Variants in LTBP2 observed in about 807,000 individuals in gnomAD.
LTBP2 encodes latent transforming growth factor beta binding protein 2, also known as latent-transforming growth factor beta-binding protein 2.
A neutral mutation model predicts 210.6 loss-of-function variants in LTBP2; 103 were observed. The observed-to-expected ratio is 0.49, with a 90% CI of 0.42 to 0.58. LTBP2 has a LOEUF of 0.58. Ranked by LOEUF, LTBP2 falls within the 20% of genes least tolerant of loss-of-function variation. The pLI is 0.00. For missense variants in LTBP2, 2,313 were observed against 2,494.5 expected (o/e 0.93, Z 1.55); for synonymous variants, 1,007 against 1,015.0 (o/e 0.99, Z 0.15).
intron 8 of LTBP2, among the ~76,000 whole-genome samples, chr14:74,540,860 TA>T (rs2087494787): frequency 2.1e-5 from 2 of 95,368 alleles, no homozygotes; most frequent in Non-Finnish European, 4.1e-5. Context: ...ATATATATTA[TA>T]TATATTTATA....
chr14:74,505,955 C>G, intron 28 of LTBP2, 93 bp downstream of exon 28: 1 of 1,544,858 alleles, frequency 6.5e-7, no homozygotes, highest in South Asian at 1.2e-5. Context: ...CCAGTGTCCC[C>G]CTCAGCGGCT....
chr14:74,547,696 C>T (rs757181023), intron 8 of LTBP2, among the ~76,000 whole-genome samples: 2 of 152,082 alleles, frequency 1.3e-5, no homozygotes, highest in Admixed American at 6.5e-5. Context: ...TAGGACAGCC[C>T]TAACTGGGTC....
At chr14:74,604,527 G>C (rs1007377929) in intron 1 of LTBP2, among the ~76,000 whole-genome samples, 1 of 151,690 alleles carries the variant, frequency 6.6e-6, no homozygotes, top group Admixed American at 6.6e-5. Flanking sequence ...ACTCTATAGC[G>C]AAATAGAGTT....
chr14:74,551,279 C>G lies in LTBP2; in HGVS notation c.1471G>C (p.Val491Leu). 6.2e-7 allele frequency: 1 copy of G among 1,608,806 alleles called. No homozygotes were observed. Among genetic ancestry groups the G allele is most frequent in the Non-Finnish European group, 8.5e-7 (1 of 1,177,904 alleles). ...PPEASVQIHQ[V>L]AQVRGGVEEA... is the part of the protein sequence containing the mutation. The stretch of plus-strand genomic sequence containing the variant: ...TCCACCCCGCCCCGCACCTGGGCCA[C>G]CTGGTGGATCTGCACTGAGGCCTCG... The change falls in exon 7 of 36, where the codon GTG becomes CTG. Residue 491 changes from valine (V) to leucine (L), a missense_variant. Physicochemically the swap from Val to Leu is conservative, Grantham distance 32. Around this residue, in one of 3 missense-constraint regions of LTBP2, gnomAD observed 1,867 missense variants for 1,976.9 expected, o/e 0.94. Coordinates refer to ENST00000261978, the MANE Select transcript of LTBP2 (RefSeq NM_000428.3).
chr14:74,572,660 A>C (rs1476306310), intron 3 of LTBP2, among the ~76,000 whole-genome samples: 1 of 152,176 alleles, frequency 6.6e-6, no homozygotes, highest in Non-Finnish European at 1.5e-5. Flanking sequence ...ACTTGAGCTC[A>C]AAAGGAGAAT....
rs778348814 is a variant in LTBP2 at position 74,526,104 on chromosome 14, C to A, written c.2399G>T (p.Ser800Ile). The change falls in exon 14 of 36, where the codon AGT becomes ATT. Residue 800 changes from serine (S) to isoleucine (I), a missense_variant. Physicochemically the swap from Ser to Ile is moderately radical, Grantham distance 142. This residue lies in a region of LTBP2 where 1,867 missense variants were observed against 1,976.9 expected (regional missense o/e 0.94). Coordinates refer to ENST00000261978, the MANE Select transcript of LTBP2 (RefSeq NM_000428.3). ...GDSQAGQVTT[S>I]VTHAPAWVTG... ...GACCCAGGCAGGTGCATGAGTGACA[C>A]TGGTCGTGACCTGCACAGAAACAGG... 4.4e-6 allele frequency: 7 copies of A among 1,603,724 alleles called. No individual in the cohort carries two copies. The Admixed American group carries it at 1.2e-4, about 27-fold the overall frequency.
chr14:74,543,558 C>T (rs1423699488), intron 8 of LTBP2, among the ~76,000 whole-genome samples: 1 of 146,512 alleles, frequency 6.8e-6, no homozygotes, highest in African/African-American at 2.8e-5. Flanking sequence ...CCCTCCCTTC[C>T]TTCCTCCCTT....
At chr14:74,565,709 G>A (rs1162167141) in intron 3 of LTBP2, among the ~76,000 whole-genome samples, 3 of 152,182 alleles carry the variant, frequency 2.0e-5, no homozygotes, top group Non-Finnish European at 4.4e-5. Flanking sequence ...GCTGGGAGGA[G>A]GTTGTAAGAG....
chr14:74,513,693 C>T (rs1161932347), intron 18 of LTBP2, among the ~76,000 whole-genome samples: 1 of 152,192 alleles, frequency 6.6e-6, no homozygotes, highest in Non-Finnish European at 1.5e-5. Context: ...GTCCCAGCCA[C>T]TCGGGAGGCT....
At position 74,503,867 on chromosome 14, in the gene LTBP2, G is replaced by A; in HGVS notation, c.4582+59C>T. 10 of 1,607,344 alleles carry A rather than the reference G, an allele frequency of 6.2e-6. No individual in the cohort carries two copies. In the Admixed American group the frequency reaches 1.7e-4, roughly 27 times the overall value. On this transcript the variant is annotated intron_variant, in intron 31 of 35. Transcript: ENST00000261978. ...TAATGGGACTGGCTGGCAGGGGCTG[G>A]GTGGGCCATTATTCAGCTGTGGGCC...
rs759759353 is a variant in LTBP2 at position 74,509,275 on chromosome 14, C to G, written c.3366G>C (p.Gly1122=). ...AGSFSCKDCD[G]GYRPSPLGDS... The stretch of plus-strand genomic sequence containing the variant: ...CACCCAGGGGGCTGGGCCGGTAGCC[C>G]CCATCGCAGTCCTTGCAGGAGAAGG... Residue 1122 remains glycine, a synonymous_variant, in exon 22 of 36, where the codon GGG becomes GGC. Transcript: ENST00000261978. The G allele has an allele frequency of 6.2e-7, 1 of 1,613,648 alleles. No homozygotes were observed. Among genetic ancestry groups the G allele is most frequent in the South Asian group, 1.1e-5 (1 of 91,070 alleles).
intron 18 of LTBP2, among the ~76,000 whole-genome samples, chr14:74,515,380 G>A (rs572417326): frequency 1.3e-5 from 2 of 150,386 alleles, no homozygotes; most frequent in African/African-American, 4.9e-5. Context: ...CCTCAGCCTC[G>A]CAAGTAGGTA....
intron 3 of LTBP2, among the ~76,000 whole-genome samples, chr14:74,561,411 G>A (rs768373116): frequency 3.7e-4 from 57 of 152,132 alleles, no homozygotes; most frequent in Non-Finnish European, 5.3e-4. Flanking sequence ...TGTTATTTTA[G>A]TGAATGAAAA....
intron 3 of LTBP2, among the ~76,000 whole-genome samples, chr14:74,575,087 C>T (rs2088039686): frequency 2.0e-5 from 3 of 152,240 alleles, no homozygotes; most frequent in Admixed American, 2.0e-4. Flanking sequence ...CCCCACCTTC[C>T]TCACAACCTC....
chr14:74,564,137 TTATATA>T (rs1203936572), intron 3 of LTBP2, among the ~76,000 whole-genome samples: 8 of 6,862 alleles, frequency 1.2e-3, no homozygotes, highest in Admixed American at 7.5e-3. Context: ...ATATATATAT[TTATATA>T]TATATATTTA....
intron 22 of LTBP2, 48 bp from the exon 23 acceptor site, chr14:74,509,000 A>G: frequency 6.2e-7 from 1 of 1,609,746 alleles, no homozygotes; most frequent in Non-Finnish European, 8.5e-7. Flanking sequence ...AGCACCTCCC[A>G]AGGACAGGAG....
rs61980864 is a variant in LTBP2, at chr14:74,500,077, C to T, written c.*807G>A. ...AGATGGGTGCTGTATCCCATGGCAGCCCTTGCTGCTGGTGCCCACAGGCTA... is the reference window on the plus strand; with the variant it reads ...AGATGGGTGCTGTATCCCATGGCAGTCCTTGCTGCTGGTGCCCACAGGCTA... On this transcript the variant is annotated 3_prime_UTR_variant, in exon 36 of 36. Transcript: ENST00000261978. 65 of 232,914 alleles carry T rather than the reference C, an allele frequency of 2.8e-4. No individual in the cohort carries two copies. Among genetic ancestry groups the T allele is most frequent in the East Asian group, 9.1e-4 (15 of 16,478 alleles). 14.4% of individuals were successfully genotyped at this position (232,914 alleles called of 1,614,324 possible).
At position 74,585,887 on chromosome 14, in the gene LTBP2, T is replaced by C. The variant is rs200005203; in HGVS notation, c.797A>G (p.Gln266Arg). The C allele has an allele frequency of 9.3e-6, 15 of 1,613,782 alleles. No individual in the cohort carries two copies. The Admixed American group carries it at 2.3e-4, about 25-fold the overall frequency. The change falls in exon 3 of 36, where the codon CAG becomes CGG. Residue 266 changes from glutamine to arginine, a missense_variant. Coordinates refer to ENST00000261978, the MANE Select transcript of LTBP2 (RefSeq NM_000428.3). ...TGGCGACTGTGGTGCGGGCGGCGAC[T>C]GTGGTGCTGGCGGCTGTGCTCTGGC... ...TLARAQPPAP[Q>R]SPPAPQSPPA...
In LTBP2 at chr14:74,590,504, C is replaced by T. The variant is rs147634314; in HGVS notation, c.566-4386G>A. Among the ~76,000 whole-genome samples, 151 of 152,258 alleles carry T rather than the reference C, an allele frequency of 9.9e-4. 1 individual carries two copies. The highest frequency in any genetic ancestry group is 3.5e-3 in the African/African-American group (145 of 41,540). On this transcript the variant is annotated intron_variant, in intron 2 of 35. Transcript: ENST00000261978. The stretch of plus-strand genomic sequence containing the variant: ...CCTGTAATCCCAGCTACTCGGGAGG[C>T]TGAGGCAGGAGAATCACTTAAACCC...
Sources: gnomAD v4.1 joint callset for allele counts (sites outside exome capture counted in the v4.1 genomes callset) on GRCh38, gnomAD v4.1.1 for gene constraint, gnomAD v4.1.1 regional missense constraint, MANE v1.5 for transcripts, NCBI Gene and HGNC (gene_info 2026-07-23, HGNC 2026-07-21) for gene names.